Variants in CSMD3 observed in about 807,000 individuals in gnomAD.
The protein encoded by CSMD3 is CUB and Sushi multiple domains 3.
CSMD3 carries 177 observed loss-of-function variants against 435.2 expected under a neutral mutation model. That is an observed-to-expected ratio of 0.41 (90% confidence interval 0.36 to 0.46). CSMD3 has a LOEUF of 0.46. Ranked by LOEUF, CSMD3 falls within the 20% of genes least tolerant of loss-of-function variation. The probability of loss-of-function intolerance (pLI) is 0.34; values close to 1 mark genes in which losing one functional copy is unlikely to be tolerated. For missense variants in CSMD3, 4,265 were observed against 4,504.6 expected (o/e 0.95, Z 1.52); for synonymous variants, 1,656 against 1,520.5 (o/e 1.09, Z -2.07).
intron 13 of CSMD3, among the ~76,000 whole-genome samples, chr8:112,721,406 C>G (rs1457931230): frequency 6.6e-6 from 1 of 151,966 alleles, no homozygotes; most frequent in African/African-American, 2.4e-5. Context: ...GAAACCCTGT[C>G]TCTACTAAAA....
chr8:113,342,932 C>T (rs2094129578), intron 1 of CSMD3, among the ~76,000 whole-genome samples: 1 of 150,868 alleles, frequency 6.6e-6, no homozygotes, highest in Non-Finnish European at 1.5e-5. Flanking sequence ...AAAAATGCAA[C>T]CCATAGTTGA....
intron 1 of CSMD3, among the ~76,000 whole-genome samples, chr8:113,360,015 T>C (rs918883151): frequency 6.6e-6 from 1 of 152,192 alleles, no homozygotes. Context: ...ACACACACAT[T>C]GAGGAGAGGG....
intron 1 of CSMD3, among the ~76,000 whole-genome samples, chr8:113,414,007 G>T (rs766727861): frequency 1.3e-5 from 2 of 151,974 alleles, no homozygotes; most frequent in Non-Finnish European, 2.9e-5. Context: ...AACAGAAGAC[G>T]AAATAGGAGA....
intron 3 of CSMD3, among the ~76,000 whole-genome samples, chr8:113,235,969 T>A (rs1209815768): frequency 6.6e-6 from 1 of 152,100 alleles, no homozygotes; most frequent in Non-Finnish European, 1.5e-5. Context: ...ACTTCCCCAA[T>A]CACCAGTCCA....
intron 4 of CSMD3, among the ~76,000 whole-genome samples, chr8:113,133,696 T>C (rs1057130688): frequency 6.6e-6 from 1 of 152,062 alleles, no homozygotes; most frequent in Non-Finnish European, 1.5e-5. Context: ...CATGGATGAA[T>C]AAGTGGATAA....
intron 4 of CSMD3, among the ~76,000 whole-genome samples, chr8:113,154,575 T>C (rs140425914): frequency 1.3e-4 from 20 of 152,150 alleles, no homozygotes; most frequent in African/African-American, 3.8e-4. Context: ...GAGCTGCCTA[T>C]GTAAATAAAC....
intron 1 of CSMD3, among the ~76,000 whole-genome samples, chr8:113,342,236 C>G (rs1320865019): frequency 4.6e-5 from 7 of 152,110 alleles, no homozygotes; most frequent in Non-Finnish European, 8.8e-5. Flanking sequence ...TTTCACCTTC[C>G]ATGTAAACAC....
chr8:113,230,545 A>G (rs1013863861), intron 3 of CSMD3, among the ~76,000 whole-genome samples: 1 of 151,626 alleles, frequency 6.6e-6, no homozygotes, highest in African/African-American at 2.4e-5. Flanking sequence ...TTTGAAAGTA[A>G]AAGTATAAAT....
At chr8:113,130,046 T>A (rs1054673190) in intron 4 of CSMD3, among the ~76,000 whole-genome samples, 1 of 151,886 alleles carries the variant, frequency 6.6e-6, no homozygotes, top group East Asian at 1.9e-4. Flanking sequence ...TAAAATATGA[T>A]CAAAATAATA....
intron 3 of CSMD3, among the ~76,000 whole-genome samples, chr8:113,222,564 A>G (rs1184646172): frequency 1.3e-5 from 2 of 151,268 alleles, no homozygotes; most frequent in East Asian, 1.9e-4. Context: ...AGAAATAACT[A>G]TCATTTCTCA....
intron 17 of CSMD3, among the ~76,000 whole-genome samples, chr8:112,664,591 T>C (rs922039526): frequency 6.6e-6 from 1 of 152,162 alleles, no homozygotes; most frequent in Non-Finnish European, 1.5e-5. Context: ...GGCTAAATTG[T>C]GTTCCCCCAA....
intron 1 of CSMD3, among the ~76,000 whole-genome samples, chr8:113,432,436 C>A (rs534588359): frequency 6.6e-6 from 1 of 152,320 alleles, no homozygotes; most frequent in South Asian, 2.1e-4. Context: ...TGTGCGTGCC[C>A]CTGTGTCAGC....
chr8:113,264,306 A>C (rs1486250057), intron 3 of CSMD3, among the ~76,000 whole-genome samples: 4 of 151,386 alleles, frequency 2.6e-5, no homozygotes, highest in Non-Finnish European at 5.9e-5. Flanking sequence ...ATATAATTAG[A>C]ATCTGAAATA....
rs192536083 is a variant in CSMD3, at chr8:112,745,406, T to G, written c.1972+54756A>C. Among the ~76,000 whole-genome samples, 90 of 152,216 alleles carry G rather than the reference T, an allele frequency of 5.9e-4. No individual in the cohort carries two copies. The Middle Eastern group carries it at 0.01, about 17-fold the overall frequency. On this transcript the variant is annotated intron_variant, in intron 13 of 70. Transcript: ENST00000297405. The stretch of plus-strand genomic sequence containing the variant: ...ATAATGCAAAATAATATATTTTAAG[T>G]ATTTTTTCAAATGTAAAAAAATAAG...
chr8:113,094,721 T>C (rs891836434), intron 5 of CSMD3, among the ~76,000 whole-genome samples: 2 of 152,210 alleles, frequency 1.3e-5, no homozygotes, highest in Non-Finnish European at 2.9e-5. Context: ...ATATTTAAGG[T>C]GATGGTTATC....
At chr8:112,446,238 A>C (rs1039176730) in intron 32 of CSMD3, among the ~76,000 whole-genome samples, 4 of 152,204 alleles carry the variant, frequency 2.6e-5, no homozygotes, top group African/African-American at 9.6e-5. Flanking sequence ...TTGCATGCCC[A>C]GTGACAAACT....
At chr8:112,763,837 A>C (rs1391132573) in intron 13 of CSMD3, among the ~76,000 whole-genome samples, 2 of 151,224 alleles carry the variant, frequency 1.3e-5, no homozygotes, top group Non-Finnish European at 3.0e-5. Context: ...TCTGGACAAG[A>C]GTATGAAGCA....
chr8:113,171,963 A>G (rs1389977068), intron 4 of CSMD3, among the ~76,000 whole-genome samples: 1 of 152,150 alleles, frequency 6.6e-6, no homozygotes, highest in East Asian at 1.9e-4. Context: ...TGCCCATTAT[A>G]AAAGAGTCAG....
intron 1 of CSMD3, among the ~76,000 whole-genome samples, chr8:113,341,959 C>G (rs947197872): frequency 5.9e-5 from 9 of 151,882 alleles, no homozygotes; most frequent in Admixed American, 5.3e-4. Flanking sequence ...AATGTAACCT[C>G]TTTGTATTGA....
Sources: gnomAD v4.1 joint callset for allele counts (sites outside exome capture counted in the v4.1 genomes callset) on GRCh38, gnomAD v4.1.1 for gene constraint, MANE v1.5 for transcripts, NCBI Gene and HGNC (gene_info 2026-07-23, HGNC 2026-07-21) for gene names.